DYNLRB1: variants seen among roughly 807,000 people sequenced by gnomAD.
DYNLRB1 encodes ROBL/LC7-like 1.
In DYNLRB1, 6 loss-of-function variants were observed where a neutral mutation model predicts 13.5. The ratio of observed to expected loss-of-function variants is 0.44; its 90% confidence interval spans 0.24 to 0.88. DYNLRB1 has a LOEUF of 0.88. Among genes scored for constraint, DYNLRB1 ranks in the 40% least tolerant of loss-of-function variants. The probability of loss-of-function intolerance (pLI) is 0.21; values close to 1 mark genes in which losing one functional copy is unlikely to be tolerated. For missense variants in DYNLRB1, 93 were observed against 127.2 expected (o/e 0.73, Z 1.29); for synonymous variants, 43 against 45.0 (o/e 0.96, Z 0.18).
In DYNLRB1 at chr20:34,540,494, T is replaced by C. The variant is rs370667208; in HGVS notation, c.248-87T>C. On this transcript the variant is annotated intron_variant, in intron 3 of 3. Coordinates refer to ENST00000357156, the MANE Select transcript of DYNLRB1 (RefSeq NM_014183.4). ...CTTTCTCCCCTTCCTCATTTTATGG[T>C]TAGTGATTTAATGGTTTATTTGCTT... 6 of 1,250,612 alleles carry C rather than the reference T, an allele frequency of 4.8e-6. No individual in the cohort carries two copies. In the African/African-American group the frequency reaches 6.0e-5, roughly 12 times the overall value. The allele number at this position is 1,250,612 out of a possible 1,614,324, so 77.5% of individuals were successfully genotyped here. A position where few individuals can be genotyped will look rare whatever the true frequency, so the allele number is the denominator to read the frequency against.
At chr20:34,529,765 A>G in intron 2 of DYNLRB1, 3 of 1,190,726 alleles carry the variant, frequency 2.5e-6, no homozygotes, top group Non-Finnish European at 2.1e-6. Flanking sequence ...CCAAGTCAGC[A>G]GAGCCCTGGC....
chr20:34,536,281 A>T, intron 3 of DYNLRB1: 1 of 985,378 alleles, frequency 1.0e-6, no homozygotes, highest in East Asian at 1.1e-4. Flanking sequence ...GCAAATCCAC[A>T]TCTGTAAAGT....
chr20:34,531,861 G>A (rs2146641828), intron 2 of DYNLRB1, among the ~76,000 whole-genome samples: 1 of 152,304 alleles, frequency 6.6e-6, no homozygotes, highest in African/African-American at 2.4e-5. Flanking sequence ...GGACCAAAGT[G>A]GAAATCATGA....
At chr20:34,519,299 G>T (rs1979520779) in intron 1 of DYNLRB1, among the ~76,000 whole-genome samples, 1 of 152,158 alleles carries the variant, frequency 6.6e-6, no homozygotes, top group Admixed American at 6.5e-5. Context: ...GGCAACTTCT[G>T]TTGGCAGTTG....
chr20:34,517,095 A>T (rs1325208697), intron 1 of DYNLRB1, among the ~76,000 whole-genome samples: 1 of 152,022 alleles, frequency 6.6e-6, no homozygotes, highest in Non-Finnish European at 1.5e-5. Flanking sequence ...CTTGCTTTCT[A>T]CCTTGCTTGC....
intron 3 of DYNLRB1, among the ~76,000 whole-genome samples, chr20:34,538,598 A>G (rs556740073): frequency 6.6e-6 from 1 of 152,248 alleles, no homozygotes; most frequent in South Asian, 2.1e-4. Context: ...ATTTGGAGTA[A>G]AAGACACTGA....
intron 1 of DYNLRB1, among the ~76,000 whole-genome samples, chr20:34,522,479 T>TTTTTTTTTTTTTTTTG: frequency 7.2e-6 from 1 of 138,366 alleles, no homozygotes; most frequent in Non-Finnish European, 1.6e-5. Context: ...CTTTTTTTTT[T>TTTTTTTTTTTTTTTTG]TTTTTTTTTT....
chr20:34,522,136 C>A lies in DYNLRB1; in HGVS notation c.4-4132C>A, dbSNP rs1284008686. Among the ~76,000 whole-genome samples, 2 of 152,186 alleles carry A rather than the reference C, an allele frequency of 1.3e-5. 1 individual carries two copies. The highest frequency in any genetic ancestry group is 4.1e-4 in the South Asian group (2 of 4,834). ...GTCCCTGTATCCTGCAAGAATCTTG[C>A]TCACTTGTTTAAGTCTCTTTCACCA... is the stretch of plus-strand genomic sequence containing the variant. On this transcript the variant is annotated intron_variant, in intron 1 of 3. Transcript: ENST00000357156.
chr20:34,528,512 A>T (rs1028628777), intron 2 of DYNLRB1, among the ~76,000 whole-genome samples: 3 of 152,124 alleles, frequency 2.0e-5, no homozygotes, highest in Admixed American at 6.5e-5. Context: ...CAGGCCGCAG[A>T]GTCAGGTCAG....
At chr20:34,536,773 C>T (rs1325277661) in intron 3 of DYNLRB1, among the ~76,000 whole-genome samples, 3 of 151,118 alleles carry the variant, frequency 2.0e-5, no homozygotes, top group Admixed American at 6.6e-5. Context: ...AAAGTTGGGC[C>T]GGGAACAGTC....
At chr20:34,537,435 G>A (rs1981232993) in intron 3 of DYNLRB1, among the ~76,000 whole-genome samples, 1 of 152,134 alleles carries the variant, frequency 6.6e-6, no homozygotes, top group Non-Finnish European at 1.5e-5. Context: ...AATATCCATT[G>A]ATTAAATAAA....
intron 3 of DYNLRB1, 51 bp downstream of exon 3, chr20:34,534,846 T>C: frequency 2.5e-6 from 4 of 1,612,862 alleles, no homozygotes; most frequent in Non-Finnish European, 3.4e-6. Flanking sequence ...TGGCACATTC[T>C]CTGTGGCTCA....
intron 2 of DYNLRB1, chr20:34,526,713 G>T: frequency 4.7e-6 from 1 of 214,638 alleles, no homozygotes; most frequent in Non-Finnish European, 9.4e-6. Flanking sequence ...AGTTCCAGAG[G>T]ACCATAATCA....
chr20:34,540,719 T>G lies in DYNLRB1; in HGVS notation c.*95T>G. The G allele has an allele frequency of 7.5e-7, 1 of 1,336,096 alleles. No homozygotes were observed. The highest frequency in any genetic ancestry group is 1.2e-5 in the South Asian group (1 of 80,918). The allele number at this position is 1,336,096 out of a possible 1,614,324, so 82.8% of individuals were successfully genotyped here. A position where few individuals can be genotyped will look rare whatever the true frequency, so the allele number is the denominator to read the frequency against. On this transcript the variant is annotated 3_prime_UTR_variant, in exon 4 of 4. Transcript: ENST00000357156. ...CAGTGGACTAGCACATGGCAGTCGC[T>G]TGGAACCCACTCACACCAATCCAGT... is the stretch of plus-strand genomic sequence containing the variant.
At chr20:34,519,841 C>A (rs1355802972) in intron 1 of DYNLRB1, among the ~76,000 whole-genome samples, 1 of 152,140 alleles carries the variant, frequency 6.6e-6, no homozygotes, top group African/African-American at 2.4e-5. Context: ...ATATAAAAAT[C>A]ATCTATAATT....
At chr20:34,530,088 A>G (rs1281459995) in intron 2 of DYNLRB1, 1 of 1,239,076 alleles carries the variant, frequency 8.1e-7, no homozygotes, top group Non-Finnish European at 1.0e-6. Context: ...CTCCAAGGAG[A>G]CAACCCCAGG....
intron 2 of DYNLRB1, chr20:34,529,919 A>G: frequency 2.0e-6 from 3 of 1,489,750 alleles, no homozygotes; most frequent in Non-Finnish European, 2.7e-6. Flanking sequence ...GCCCCTGATC[A>G]GTTGGGTGGC....
chr20:34,525,180 T>TCCC (rs35695347), intron 1 of DYNLRB1, among the ~76,000 whole-genome samples: 11 of 146,410 alleles, frequency 7.5e-5, no homozygotes, highest in African/African-American at 2.3e-4. Flanking sequence ...GTGTTGAGGA[T>TCCC]CCCCCCCCCC....
intron 1 of DYNLRB1, among the ~76,000 whole-genome samples, chr20:34,525,509 A>G (rs774994817): frequency 1.3e-5 from 2 of 152,102 alleles, no homozygotes; most frequent in Non-Finnish European, 2.9e-5. Flanking sequence ...CGCGGAGGAG[A>G]TGATGTCTTA....
Sources: gnomAD v4.1 joint callset for allele counts (sites outside exome capture counted in the v4.1 genomes callset) on GRCh38, gnomAD v4.1.1 for gene constraint, MANE v1.5 for transcripts, NCBI Gene and HGNC (gene_info 2026-07-23, HGNC 2026-07-21) for gene names.